NPLOC4: variants seen among roughly 807,000 people sequenced by gnomAD.
NPLOC4 encodes the protein NPL4 homolog, ubiquitin recognition factor.
NPLOC4 carries 18 observed loss-of-function variants against 80.6 expected under a neutral mutation model. That is an observed-to-expected ratio of 0.22 (90% CI 0.15 to 0.33). NPLOC4 has a LOEUF of 0.33. NPLOC4 is among the 10% of genes least tolerant of loss of function. NPLOC4 has a pLI of 1.00. For missense variants in NPLOC4, 540 were observed against 786.1 expected (o/e 0.69, Z 3.74); for synonymous variants, 313 against 301.5 (o/e 1.04, Z -0.39).
chr17:81,620,760 G>A (rs2035642679), intron 3 of NPLOC4, among the ~76,000 whole-genome samples: 1 of 152,200 alleles, frequency 6.6e-6, no homozygotes, highest in Non-Finnish European at 1.5e-5. Flanking sequence ...GTCGTGAGCT[G>A]AGAGTTCCTC....
chr17:81,576,805 A>C (rs1474413369), intron 12 of NPLOC4, among the ~76,000 whole-genome samples: 4 of 152,170 alleles, frequency 2.6e-5, no homozygotes, highest in South Asian at 2.1e-4. Context: ...GTGGTCAAAG[A>C]AGCACAGAGA....
chr17:81,568,675 C>T (rs1445157796), intron 14 of NPLOC4, among the ~76,000 whole-genome samples: 1 of 152,222 alleles, frequency 6.6e-6, no homozygotes, highest in African/African-American at 2.4e-5. Flanking sequence ...CCCCAAGGTG[C>T]CTAAGAAGGG....
intron 9 of NPLOC4, among the ~76,000 whole-genome samples, chr17:81,597,867 G>A (rs1024473152): frequency 3.3e-5 from 5 of 151,672 alleles, no homozygotes; most frequent in Admixed American, 1.3e-4. Context: ...AGGCCAAGAC[G>A]GTGGATCACG....
At chr17:81,594,329 A>G (rs1255550466) in intron 11 of NPLOC4, among the ~76,000 whole-genome samples, 2 of 150,664 alleles carry the variant, frequency 1.3e-5, no homozygotes, top group African/African-American at 4.9e-5. Flanking sequence ...TCACTTGTAA[A>G]ATAGTTAACA....
At chr17:81,604,334 G>T (rs963749215) in intron 8 of NPLOC4, among the ~76,000 whole-genome samples, 2 of 152,086 alleles carry the variant, frequency 1.3e-5, no homozygotes, top group Admixed American at 1.3e-4. Flanking sequence ...TACCGGTTGT[G>T]TAAGAAAATA....
chr17:81,606,441 G>A (rs903666257), intron 7 of NPLOC4, among the ~76,000 whole-genome samples: 1 of 152,042 alleles, frequency 6.6e-6, no homozygotes, highest in South Asian at 2.1e-4. Context: ...TAATCATCAG[G>A]AACATTCTGC....
chr17:81,585,510 A>C (rs2034555719), intron 12 of NPLOC4, among the ~76,000 whole-genome samples: 1 of 151,872 alleles, frequency 6.6e-6, no homozygotes, highest in Non-Finnish European at 1.5e-5. Context: ...AAAAATTTAA[A>C]AGTTAGCCAG....
intron 13 of NPLOC4, among the ~76,000 whole-genome samples, chr17:81,570,626 C>T (rs2034136902): frequency 6.6e-6 from 1 of 152,210 alleles, no homozygotes. Context: ...CATTTCCCTA[C>T]CCTACCCATC....
At chr17:81,603,721 T>C (rs1191749247) in intron 8 of NPLOC4, among the ~76,000 whole-genome samples, 2 of 152,210 alleles carry the variant, frequency 1.3e-5, no homozygotes, top group Admixed American at 6.5e-5. Flanking sequence ...TCTGTCCCTC[T>C]AGTCACCCAT....
chr17:81,560,157 C>G (rs896781830), intron 16 of NPLOC4, among the ~76,000 whole-genome samples: 3 of 151,972 alleles, frequency 2.0e-5, no homozygotes, highest in African/African-American at 7.2e-5. Context: ...GTGGGTCACG[C>G]CTGTAATCCC....
At chr17:81,614,695 T>C (rs916288313) in intron 3 of NPLOC4, among the ~76,000 whole-genome samples, 3 of 152,132 alleles carry the variant, frequency 2.0e-5, no homozygotes, top group African/African-American at 7.2e-5. Context: ...CGCTGCCAAC[T>C]TGGTGCCAGG....
At chr17:81,603,510 C>A (rs539262900) in intron 8 of NPLOC4, among the ~76,000 whole-genome samples, 2 of 151,920 alleles carry the variant, frequency 1.3e-5, no homozygotes, top group Non-Finnish European at 2.9e-5. Context: ...GCAGGAGGAT[C>A]GCTTGAGCCC....
At chr17:81,616,333 A>AATAAAAAAGAAAC (rs1555686400) in intron 3 of NPLOC4, among the ~76,000 whole-genome samples, 1 of 115,636 alleles carries the variant, frequency 8.6e-6, no homozygotes, top group Non-Finnish European at 1.7e-5. Context: ...AAAAAAAAAA[A>AATAAAAAAGAAAC]AAAAAGAAAA....
At chr17:81,631,485 G>T (rs2035930959) in intron 1 of NPLOC4, among the ~76,000 whole-genome samples, 2 of 139,236 alleles carry the variant, frequency 1.4e-5, no homozygotes, top group Admixed American at 7.5e-5. Flanking sequence ...GCCTAAAAAG[G>T]TTGGCAGATC....
chr17:81,596,268 A>G, intron 10 of NPLOC4, 26 bp from the exon 11 acceptor site: 1 of 1,591,192 alleles, frequency 6.3e-7, no homozygotes, highest in Non-Finnish European at 8.6e-7. Context: ...CAGCCTATCA[A>G]ATTTTACAGC....
At chr17:81,590,422 G>A (rs1268248749) in intron 11 of NPLOC4, among the ~76,000 whole-genome samples, 3 of 152,220 alleles carry the variant, frequency 2.0e-5, no homozygotes, top group African/African-American at 7.2e-5. Flanking sequence ...GCCTTTGGAG[G>A]AGGCAGGCAT....
chr17:81,582,974 C>A (rs2034484754), intron 12 of NPLOC4, among the ~76,000 whole-genome samples: 1 of 152,282 alleles, frequency 6.6e-6, no homozygotes, highest in Non-Finnish European at 1.5e-5. Flanking sequence ...CAGGCCTCCT[C>A]CCTGCGGCGC....
intron 2 of NPLOC4, among the ~76,000 whole-genome samples, chr17:81,628,477 C>A (rs1267375231): frequency 6.6e-6 from 1 of 151,992 alleles, no homozygotes; most frequent in Non-Finnish European, 1.5e-5. Flanking sequence ...CATGCCACTG[C>A]ACTCCAGCCT....
At chr17:81,611,301 C>T (rs988550689) in intron 4 of NPLOC4, among the ~76,000 whole-genome samples, 7 of 151,758 alleles carry the variant, frequency 4.6e-5, no homozygotes, top group Admixed American at 1.3e-4. Flanking sequence ...GCCTGGGAGA[C>T]GAGAGTGAAA....
Sources: gnomAD v4.1 joint callset for allele counts (sites outside exome capture counted in the v4.1 genomes callset) on GRCh38, gnomAD v4.1.1 for gene constraint, MANE v1.5 for transcripts, NCBI Gene and HGNC (gene_info 2026-07-23, HGNC 2026-07-21) for gene names.